Variants in TDRP observed in about 807,000 individuals in gnomAD.
TDRP encodes testis development related protein, also known as testis development-related protein.
In TDRP, 12 loss-of-function variants were observed where a neutral mutation model predicts 10.5. The observed-to-expected ratio is 1.15, with a 90% confidence interval of 0.73 to 1.86. The LOEUF is 1.86. TDRP is among the 40% of genes most tolerant of loss of function. TDRP has a pLI of 0.00. For missense variants in TDRP, 353 were observed against 229.2 expected (o/e 1.54, Z -3.49); for synonymous variants, 139 against 95.4 (o/e 1.46, Z -2.67).
intron 1 of TDRP, among the ~76,000 whole-genome samples, chr8:518,781 G>C (rs201430905): frequency 6.6e-6 from 1 of 151,756 alleles, no homozygotes; most frequent in Non-Finnish European, 1.5e-5. Flanking sequence ...AGCTTAAAAG[G>C]TCATTTACAT....
intron 1 of TDRP, among the ~76,000 whole-genome samples, chr8:516,031 A>G (rs983322790): frequency 2.6e-5 from 4 of 152,240 alleles, no homozygotes; most frequent in African/African-American, 9.6e-5. Context: ...TAAAAATTAC[A>G]TTAAAAACAA....
chr8:539,830 C>T (rs1391429449), intron 1 of TDRP, among the ~76,000 whole-genome samples: 1 of 152,210 alleles, frequency 6.6e-6, no homozygotes, highest in African/African-American at 2.4e-5. Context: ...AAAAGTGTGA[C>T]TTTGTGTCAT....
intron 1 of TDRP, among the ~76,000 whole-genome samples, chr8:503,680 G>A (rs889606363): frequency 1.4e-5 from 2 of 143,840 alleles, no homozygotes; most frequent in Admixed American, 7.0e-5. Flanking sequence ...CACCAACACG[G>A]AATCCACGCC....
intron 1 of TDRP, among the ~76,000 whole-genome samples, chr8:531,115 T>C (rs1320216897): frequency 2.0e-5 from 3 of 152,264 alleles, no homozygotes; most frequent in African/African-American, 7.2e-5. Flanking sequence ...GTTGGGTGTT[T>C]ACTACCAATC....
At chr8:531,455 C>T (rs1802195318) in intron 1 of TDRP, among the ~76,000 whole-genome samples, 1 of 152,106 alleles carries the variant, frequency 6.6e-6, no homozygotes, top group Non-Finnish European at 1.5e-5. Flanking sequence ...ACTCCTTAAT[C>T]CATAGGATCT....
intron 1 of TDRP, among the ~76,000 whole-genome samples, chr8:510,472 G>A (rs1801585375): frequency 6.6e-6 from 1 of 152,108 alleles, no homozygotes; most frequent in South Asian, 2.1e-4. Flanking sequence ...AGATAATCTT[G>A]AAAGCTACAA....
At chr8:494,745 T>C (rs1461240770) in intron 1 of TDRP, 148 bp from the exon 2 acceptor site, 8 of 658,998 alleles carry the variant, frequency 1.2e-5, no homozygotes, top group Admixed American at 2.7e-5. Flanking sequence ...GCACATAGTT[T>C]ACTCCCATTA....
chr8:537,064 G>C (rs1053922703), intron 1 of TDRP, among the ~76,000 whole-genome samples: 1 of 152,190 alleles, frequency 6.6e-6, no homozygotes, highest in Non-Finnish European at 1.5e-5. Context: ...CCCCGCTCCA[G>C]ACTCCAGAGT....
chr8:503,891 G>A (rs1047851607), intron 1 of TDRP, among the ~76,000 whole-genome samples: 4 of 136,328 alleles, frequency 2.9e-5, no homozygotes, highest in Admixed American at 2.3e-4. Flanking sequence ...GCCACACAAG[G>A]GTAACCCACC....
chr8:537,854 T>C (rs1372313232), intron 1 of TDRP, among the ~76,000 whole-genome samples: 1 of 152,214 alleles, frequency 6.6e-6, no homozygotes, highest in African/African-American at 2.4e-5. Context: ...ATGAATACAA[T>C]GGGTTTTACC....
intron 1 of TDRP, among the ~76,000 whole-genome samples, chr8:540,322 A>C (rs980861324): frequency 6.6e-6 from 1 of 152,224 alleles, no homozygotes; most frequent in Non-Finnish European, 1.5e-5. Context: ...CATGAGACAC[A>C]TATTATGAAG....
At chr8:498,043 G>C (rs1433719973) in intron 1 of TDRP, among the ~76,000 whole-genome samples, 1 of 152,190 alleles carries the variant, frequency 6.6e-6, no homozygotes, top group East Asian at 1.9e-4. Flanking sequence ...TCTGCTGCAA[G>C]GGTAGAGCCC....
At chr8:502,008 G>T (rs918300537) in intron 1 of TDRP, among the ~76,000 whole-genome samples, 1 of 152,196 alleles carries the variant, frequency 6.6e-6, no homozygotes, top group African/African-American at 2.4e-5. Flanking sequence ...ACGTGGTGAG[G>T]GAGGACTCTG....
intron 1 of TDRP, among the ~76,000 whole-genome samples, chr8:501,379 C>T (rs559564986): frequency 6.6e-6 from 1 of 151,870 alleles, no homozygotes; most frequent in African/African-American, 2.4e-5. Flanking sequence ...TGGAGTCTTT[C>T]TCTGTTGCCC....
At chr8:494,740 T>G in intron 1 of TDRP, 143 bp from the exon 2 acceptor site, 15 of 656,070 alleles carry the variant, frequency 2.3e-5, no homozygotes, top group Non-Finnish European at 2.8e-5. Context: ...TGTGCGCACA[T>G]AGTTTACTCC....
chr8:525,923 A>C (rs1388479255), intron 1 of TDRP, among the ~76,000 whole-genome samples: 1 of 152,094 alleles, frequency 6.6e-6, no homozygotes, highest in Non-Finnish European at 1.5e-5. Context: ...CAGTGAAGCC[A>C]TTGGGTCCTG....
At chr8:544,425 G>C (rs931183424) in intron 1 of TDRP, among the ~76,000 whole-genome samples, 2 of 152,098 alleles carry the variant, frequency 1.3e-5, no homozygotes, top group African/African-American at 4.8e-5. Flanking sequence ...GGGTCCACGC[G>C]GACCACAGCG....
intron 1 of TDRP, among the ~76,000 whole-genome samples, chr8:498,950 C>A (rs375871991): frequency 2.0e-5 from 3 of 152,080 alleles, no homozygotes; most frequent in Non-Finnish European, 4.4e-5. Context: ...CACCTCCTTA[C>A]GTAAGTTTCC....
chr8:540,413 T>A (rs187362213), intron 1 of TDRP, among the ~76,000 whole-genome samples: 1 of 152,338 alleles, frequency 6.6e-6, no homozygotes, highest in African/African-American at 2.4e-5. Context: ...TCTGCATAAA[T>A]GTTTCATGGA....
Sources: allele counts gnomAD v4.1 joint callset (sites outside exome capture counted in the v4.1 genomes callset), GRCh38; gene constraint gnomAD v4.1.1; transcripts MANE v1.5; gene names NCBI Gene and HGNC (gene_info 2026-07-23, HGNC 2026-07-21).